IL1RAPL1: variants seen among roughly 807,000 people sequenced by gnomAD.
IL1RAPL1 encodes the protein interleukin 1 receptor accessory protein like 1, also known as interleukin-1 receptor accessory protein-like 1.
A neutral mutation model predicts 48.4 loss-of-function variants in IL1RAPL1; 3 were observed. That is an observed-to-expected ratio of 0.06 (90% CI 0.03 to 0.16). The LOEUF (loss-of-function observed/expected upper bound fraction) is 0.16. Ranked by LOEUF, IL1RAPL1 falls within the 10% of genes least tolerant of loss-of-function variation. IL1RAPL1 has a pLI of 1.00. For synonymous variants in IL1RAPL1, 185 were observed against 187.7 expected (o/e 0.99, Z 0.12); for missense variants, 349 against 530.6 (o/e 0.66, Z 3.36).
At chrX:29,267,648 TAAAAA>T (rs750569196) in intron 2 of IL1RAPL1, among the ~76,000 whole-genome samples, 1 of 108,598 alleles carries the variant, frequency 9.2e-6, no homozygotes, top group South Asian at 3.9e-4. Flanking sequence ...AACACTGGAA[TAAAAA>T]AAAAATTCCA....
At chrX:28,602,231 A>G (rs1009175445) in intron 1 of IL1RAPL1, among the ~76,000 whole-genome samples, 2 of 112,088 alleles carry the variant, frequency 1.8e-5, no homozygotes. Flanking sequence ...TATTGTTTCA[A>G]ATACAAATTG....
At chrX:28,806,074 G>A (rs1236372819) in intron 2 of IL1RAPL1, among the ~76,000 whole-genome samples, 1 of 111,445 alleles carries the variant, frequency 9.0e-6, no homozygotes, top group Non-Finnish European at 1.9e-5. Context: ...TATAGGTTAA[G>A]TTCATTAATG....
chrX:28,807,836 C>A (rs1159042239), intron 2 of IL1RAPL1, among the ~76,000 whole-genome samples: 2 of 110,958 alleles, frequency 1.8e-5, no homozygotes, highest in African/African-American at 6.5e-5. Flanking sequence ...GGAAGGTTTT[C>A]AGAAAAGCTC....
At chrX:29,618,107 A>G (rs998712324) in intron 5 of IL1RAPL1, among the ~76,000 whole-genome samples, 3 of 112,029 alleles carry the variant, frequency 2.7e-5, no homozygotes, top group Non-Finnish European at 3.8e-5. Flanking sequence ...CTAAAATACA[A>G]CAAAAGAATT....
At chrX:29,026,169 C>T (rs765430509) in intron 2 of IL1RAPL1, among the ~76,000 whole-genome samples, 4 of 111,664 alleles carry the variant, frequency 3.6e-5, no homozygotes, top group East Asian at 2.8e-4. Context: ...CATCCTCTCT[C>T]GTGTTTTTAT....
chrX:29,127,962 T>TAA (rs386416814), intron 2 of IL1RAPL1, among the ~76,000 whole-genome samples: 34 of 93,310 alleles, frequency 3.6e-4, no homozygotes, highest in South Asian at 1.0e-3. Flanking sequence ...AGACTCGATC[T>TAA]AAAAAAAAAA....
At chrX:29,282,909 C>T in intron 2 of IL1RAPL1, 29 bp from the exon 3 acceptor site, 1 of 1,204,595 alleles carries the variant, frequency 8.3e-7, no homozygotes, top group South Asian at 1.8e-5. Context: ...TGTTTTTCCT[C>T]TCTTTCTCTG....
intron 2 of IL1RAPL1, among the ~76,000 whole-genome samples, chrX:28,928,329 G>GT (rs775326470): frequency 2.3e-4 from 25 of 110,681 alleles, no homozygotes; most frequent in Admixed American, 1.4e-3. Context: ...TTCCTGTCAT[G>GT]TTTTTTTTCT....
intron 3 of IL1RAPL1, among the ~76,000 whole-genome samples, chrX:29,387,853 C>T (rs984906037): frequency 9.1e-6 from 1 of 109,517 alleles, no homozygotes; most frequent in African/African-American, 3.3e-5. Context: ...ACCAGCCAGG[C>T]GTGGTGGCAG....
chrX:29,552,802 C>CCTTTTT (rs766024975), intron 5 of IL1RAPL1, among the ~76,000 whole-genome samples: 1 of 22,988 alleles, frequency 4.4e-5, no homozygotes, highest in Non-Finnish European at 7.5e-5. Context: ...TTTCACTCTC[C>CCTTTTT]TTTTTTTTTT....
At chrX:29,876,953 T>C (rs1231512837) in intron 6 of IL1RAPL1, among the ~76,000 whole-genome samples, 2 of 111,881 alleles carry the variant, frequency 1.8e-5, no homozygotes, top group Admixed American at 1.9e-4. Context: ...CCTTTCTGAA[T>C]CACCACAGAG....
intron 5 of IL1RAPL1, among the ~76,000 whole-genome samples, chrX:29,404,748 A>G (rs1172339065): frequency 8.9e-6 from 1 of 111,870 alleles, no homozygotes; most frequent in Non-Finnish European, 1.9e-5. Context: ...CCAAGTTTCT[A>G]TTCCATACAC....
intron 5 of IL1RAPL1, among the ~76,000 whole-genome samples, chrX:29,533,358 T>C (rs1263678503): frequency 1.8e-5 from 2 of 112,400 alleles, no homozygotes; most frequent in African/African-American, 6.5e-5. Flanking sequence ...AATGGAATCA[T>C]ATACCATGTG....
At chrX:29,339,916 T>G (rs1361202404) in intron 3 of IL1RAPL1, among the ~76,000 whole-genome samples, 5 of 111,870 alleles carry the variant, frequency 4.5e-5, no homozygotes, top group Non-Finnish European at 9.4e-5. Context: ...CAACTGGGAT[T>G]TGTCTTTATA....
At chrX:29,159,007 C>T (rs1326227298) in intron 2 of IL1RAPL1, among the ~76,000 whole-genome samples, 2 of 78,804 alleles carry the variant, frequency 2.5e-5, no homozygotes, top group African/African-American at 4.8e-5. Flanking sequence ...CCTTCCTCTT[C>T]TTTTTTTTTG....
chrX:29,294,451 C>T lies in IL1RAPL1; in HGVS notation c.362+11234C>T, dbSNP rs190660396. ...GCTGAGGCAGAAGAATGGCGTGAACCCGGGAGGCAGAGCTTGCACTAAGCC... is the reference window on the plus strand; with the variant it reads ...GCTGAGGCAGAAGAATGGCGTGAACTCGGGAGGCAGAGCTTGCACTAAGCC... On this transcript the variant is annotated intron_variant, in intron 3 of 10. Coordinates refer to ENST00000378993, the MANE Select transcript of IL1RAPL1 (RefSeq NM_014271.4). 1.0e-4 allele frequency among the ~76,000 whole-genome samples: 11 copies of T among 107,116 alleles called. No individual in the cohort carries two copies. In the East Asian group the frequency reaches 2.6e-3, roughly 26 times the overall value. 93.0% of individuals were successfully genotyped at this position (107,116 alleles called of 115,157 possible). A position where few individuals can be genotyped will look rare whatever the true frequency, so the allele number is the denominator to read the frequency against.
chrX:29,862,761 G>A (rs1931614870), intron 6 of IL1RAPL1, among the ~76,000 whole-genome samples: 1 of 110,089 alleles, frequency 9.1e-6, no homozygotes, highest in Non-Finnish European at 1.9e-5. Flanking sequence ...ATATCTATCG[G>A]TAGACATTTA....
At chrX:29,920,681 G>C (rs1932837700) in intron 8 of IL1RAPL1, among the ~76,000 whole-genome samples, 1 of 106,488 alleles carries the variant, frequency 9.4e-6, no homozygotes, top group Non-Finnish European at 1.9e-5. Flanking sequence ...TGTAATCCCA[G>C]CTATTTGAGA....
chrX:29,314,347 G>T (rs1312519507), intron 3 of IL1RAPL1, among the ~76,000 whole-genome samples: 2 of 112,070 alleles, frequency 1.8e-5, no homozygotes, highest in African/African-American at 6.5e-5. Flanking sequence ...AGTGAGTCCA[G>T]GTTCTTAGAA....
Sources: gnomAD v4.1 joint callset for allele counts (sites outside exome capture counted in the v4.1 genomes callset) on GRCh38, gnomAD v4.1.1 for gene constraint, MANE v1.5 for transcripts, NCBI Gene and HGNC (gene_info 2026-07-23, HGNC 2026-07-21) for gene names.